THRB: variants seen among roughly 807,000 people sequenced by gnomAD.
THRB encodes the protein nuclear receptor subfamily 1 group A member 2.
In THRB, 12 loss-of-function variants were observed where a neutral mutation model predicts 47.8. The ratio of observed to expected loss-of-function variants is 0.25; its 90% CI spans 0.16 to 0.41. The LOEUF is 0.41. Among genes scored for constraint, THRB ranks in the 10% least tolerant of loss-of-function variants. THRB has a pLI of 1.00. For missense variants in THRB, 348 were observed against 589.2 expected, an observed-to-expected ratio of 0.59 and a Z score of 4.24; for synonymous variants, 218 against 212.2, an observed-to-expected ratio of 1.03 and a Z score of -0.24.
At chr3:24,411,535 G>C (rs878993233) in intron 1 of THRB, among the ~76,000 whole-genome samples, 1 of 151,640 alleles carries the variant, frequency 6.6e-6, no homozygotes, top group Admixed American at 6.6e-5. Flanking sequence ...TGGAAGGCTC[G>C]AGATCTACCC....
At chr3:24,164,899 C>A (rs571106164) in intron 5 of THRB, 1 of 597,116 alleles carries the variant, frequency 1.7e-6, no homozygotes, top group Non-Finnish European at 3.0e-6. Context: ...CTCTTACTGC[C>A]GTTTTTAATT....
At chr3:24,129,309 T>C (rs956826480) in intron 9 of THRB, among the ~76,000 whole-genome samples, 2 of 152,190 alleles carry the variant, frequency 1.3e-5, no homozygotes, top group Non-Finnish European at 1.5e-5. Flanking sequence ...TCCCAGGTAA[T>C]GCTTATGTTG....
At chr3:24,136,441 T>C (rs1441545583) in intron 8 of THRB, among the ~76,000 whole-genome samples, 1 of 152,218 alleles carries the variant, frequency 6.6e-6, no homozygotes, top group Non-Finnish European at 1.5e-5. Context: ...TAATCAAGGT[T>C]GAGCAGTGAA....
chr3:24,385,299 T>G (rs1410592126), intron 1 of THRB, among the ~76,000 whole-genome samples: 1 of 152,080 alleles, frequency 6.6e-6, no homozygotes, highest in African/African-American at 2.4e-5. Flanking sequence ...TAAACTACTT[T>G]GAAAATTTTT....
At chr3:24,254,721 A>C (rs1443036336) in intron 3 of THRB, among the ~76,000 whole-genome samples, 1 of 152,222 alleles carries the variant, frequency 6.6e-6, no homozygotes, top group Non-Finnish European at 1.5e-5. Context: ...ATTGAGTGCT[A>C]TAAGGCAGTT....
At chr3:24,231,374 A>T (rs1325397289) in intron 3 of THRB, among the ~76,000 whole-genome samples, 1 of 152,128 alleles carries the variant, frequency 6.6e-6, no homozygotes, top group Admixed American at 6.5e-5. Context: ...TGGGGCGGAA[A>T]GTATCTAGGA....
At chr3:24,349,655 T>C (rs745361556) in intron 1 of THRB, among the ~76,000 whole-genome samples, 5 of 152,172 alleles carry the variant, frequency 3.3e-5, no homozygotes, top group South Asian at 2.1e-4. Flanking sequence ...GTAAAAAATA[T>C]TTTTGTACCT....
chr3:24,309,159 C>A (rs1208715788), intron 2 of THRB, among the ~76,000 whole-genome samples: 1 of 152,112 alleles, frequency 6.6e-6, no homozygotes, highest in Non-Finnish European at 1.5e-5. Context: ...TTCTACCTTA[C>A]CTCCTTGGCC....
chr3:24,317,422 A>G (rs1252135482), intron 2 of THRB, among the ~76,000 whole-genome samples: 3 of 152,174 alleles, frequency 2.0e-5, no homozygotes, highest in African/African-American at 7.2e-5. Context: ...AAGGTTCCCA[A>G]CACCATCAGG....
At chr3:24,216,063 A>T (rs1279675876) in intron 4 of THRB, among the ~76,000 whole-genome samples, 1 of 152,244 alleles carries the variant, frequency 6.6e-6, no homozygotes, top group Non-Finnish European at 1.5e-5. Flanking sequence ...TAGACGCTTT[A>T]CAATTCCAAA....
At chr3:24,332,840 A>T (rs968280756) in intron 2 of THRB, among the ~76,000 whole-genome samples, 4 of 152,172 alleles carry the variant, frequency 2.6e-5, no homozygotes, top group Non-Finnish European at 4.4e-5. Context: ...GCGGATCACG[A>T]GGTCAGGAGA....
chr3:24,390,100 T>C (rs1395587562), intron 1 of THRB, among the ~76,000 whole-genome samples: 1 of 152,084 alleles, frequency 6.6e-6, no homozygotes, highest in Non-Finnish European at 1.5e-5. Context: ...AAGCTCCCCA[T>C]ACCCCTACCC....
chr3:24,183,273 T>C (rs560159393), intron 5 of THRB, among the ~76,000 whole-genome samples: 2 of 152,166 alleles, frequency 1.3e-5, no homozygotes, highest in Non-Finnish European at 2.9e-5. Context: ...ACAGTTATCA[T>C]TGTTTAGTCT....
intron 4 of THRB, among the ~76,000 whole-genome samples, chr3:24,218,284 CA>C (rs200363954): frequency 4.2e-5 from 6 of 143,458 alleles, no homozygotes; most frequent in East Asian, 2.0e-4. Flanking sequence ...AAACAAAAAA[CA>C]AAAAAAAATT....
chr3:24,273,323 T>A (rs544521503), intron 3 of THRB, among the ~76,000 whole-genome samples: 1 of 152,308 alleles, frequency 6.6e-6, no homozygotes, highest in South Asian at 2.1e-4. Context: ...GTGGACAATA[T>A]AGATTTCCCT....
intron 2 of THRB, among the ~76,000 whole-genome samples, chr3:24,300,909 G>A (rs1162550388): frequency 1.3e-5 from 2 of 152,122 alleles, no homozygotes; most frequent in Non-Finnish European, 2.9e-5. Flanking sequence ...CTATGAATAT[G>A]ACCTAATTTG....
Position 24,151,496 on chromosome 3 carries a change from A to T in THRB, c.384+894T>A, listed in dbSNP as rs1242317217. Among the ~76,000 whole-genome samples, 3 of 152,254 alleles carry T rather than the reference A, an allele frequency of 2.0e-5. No individual in the cohort carries two copies. In the East Asian group the frequency reaches 5.8e-4, roughly 29 times the overall value. On this transcript the variant is annotated intron_variant, in intron 6 of 10. Coordinates refer to ENST00000646209, the MANE Select transcript of THRB (RefSeq NM_001354712.2). ...ACATCTTGATAATTTAGTTTTAAAT[A>T]TAAGAGGTAAAAAAGACAAGGTATT...
chr3:24,463,813 A>G (rs1219156197), intron 1 of THRB, among the ~76,000 whole-genome samples: 2 of 152,210 alleles, frequency 1.3e-5, no homozygotes, highest in African/African-American at 4.8e-5. Context: ...TTCTGTAAGT[A>G]TTAATGAACA....
At chr3:24,335,896 G>C (rs558419873) in intron 2 of THRB, among the ~76,000 whole-genome samples, 1 of 152,230 alleles carries the variant, frequency 6.6e-6, no homozygotes, top group African/African-American at 2.4e-5. Flanking sequence ...GGTGGGAATG[G>C]AAGACCTCTG....
Sources: gnomAD v4.1 joint callset for allele counts (sites outside exome capture counted in the v4.1 genomes callset) on GRCh38, gnomAD v4.1.1 for gene constraint, MANE v1.5 for transcripts, NCBI Gene and HGNC (gene_info 2026-07-23, HGNC 2026-07-21) for gene names.